The following WDR19 variants were observed in gnomAD, a reference collection of about 807,000 sequenced individuals.
The protein encoded by WDR19 is WD repeat domain 19.
Under a neutral mutation model 180.0 loss-of-function variants are expected in WDR19, and 121 were observed. The ratio of observed to expected loss-of-function variants is 0.67; its 90% confidence interval spans 0.58 to 0.78. The LOEUF is 0.78. Ranked by LOEUF, WDR19 falls within the 30% of genes least tolerant of loss-of-function variation. The probability of loss-of-function intolerance (pLI) is 0.00; values close to 1 mark genes in which losing one functional copy is unlikely to be tolerated. For synonymous variants in WDR19, 497 were observed against 540.7 expected (o/e 0.92, Z 1.12); for missense variants, 1,450 against 1,640.7 (o/e 0.88, Z 2.01).
Position 39,205,575 on chromosome 4 carries a change from C to T in WDR19, c.729C>T (p.Gly243=). 6.2e-7 allele frequency: 1 copy of T among 1,612,998 alleles called. No individual in the cohort carries two copies. Residue 243 remains glycine (G), a synonymous_variant, in exon 9 of 37, where the codon GGC becomes GGT. Coordinates refer to ENST00000399820, the MANE Select transcript of WDR19 (RefSeq NM_025132.4). ...NIVCYNWYGD[G]RIMIGFSCGH... ...TTCTTTGCTATAGGTATGGTGATGG[C>T]CGCATCATGATTGGTTTTTCATGTG...
At chr4:39,230,932 T>C (rs1730776145) in intron 17 of WDR19, among the ~76,000 whole-genome samples, 1 of 152,174 alleles carries the variant, frequency 6.6e-6, no homozygotes, top group Non-Finnish European at 1.5e-5. Flanking sequence ...ATGGCAAATA[T>C]TTCAAGCTTT....
chr4:39,243,366 A>G (rs1732171072), intron 21 of WDR19, among the ~76,000 whole-genome samples: 4 of 152,182 alleles, frequency 2.6e-5, no homozygotes, highest in Admixed American at 1.3e-4. Flanking sequence ...AAGCAAAAAA[A>G]TATATTTTAT....
intron 17 of WDR19, among the ~76,000 whole-genome samples, chr4:39,230,075 T>C (rs1233716292): frequency 6.6e-6 from 1 of 152,198 alleles, no homozygotes; most frequent in Non-Finnish European, 1.5e-5. Flanking sequence ...AAGATGTGAT[T>C]TGATCCTCTT....
intron 21 of WDR19, among the ~76,000 whole-genome samples, chr4:39,242,966 C>A (rs1330253002): frequency 6.6e-6 from 1 of 152,110 alleles, no homozygotes; most frequent in Non-Finnish European, 1.5e-5. Flanking sequence ...CCGCGCCCGG[C>A]CCATCTCTAC....
chr4:39,256,985 C>A (rs1360401697), intron 27 of WDR19, among the ~76,000 whole-genome samples: 3 of 152,120 alleles, frequency 2.0e-5, no homozygotes, highest in Non-Finnish European at 4.4e-5. Context: ...TTGTAAATTT[C>A]TTCCTAAGTG....
At chr4:39,222,997 A>C (rs1577919081) in intron 14 of WDR19, among the ~76,000 whole-genome samples, 2 of 151,958 alleles carry the variant, frequency 1.3e-5, no homozygotes, top group East Asian at 3.9e-4. Flanking sequence ...CTTTTTTTTC[A>C]CTCAGCAGAC....
At chr4:39,249,960 A>G (rs1294360229) in intron 24 of WDR19, among the ~76,000 whole-genome samples, 3 of 152,216 alleles carry the variant, frequency 2.0e-5, no homozygotes, top group Non-Finnish European at 4.4e-5. Flanking sequence ...ATTCCAATCA[A>G]TAGAAAAAGA....
At chr4:39,282,465 T>C (rs993307434) in intron 36 of WDR19, among the ~76,000 whole-genome samples, 2 of 152,204 alleles carry the variant, frequency 1.3e-5, no homozygotes, top group Non-Finnish European at 2.9e-5. Flanking sequence ...TGATGCAATC[T>C]CAGCTCGCTG....
intron 14 of WDR19, among the ~76,000 whole-genome samples, chr4:39,223,314 C>G (rs1729887161): frequency 6.6e-6 from 1 of 151,938 alleles, no homozygotes; most frequent in African/African-American, 2.4e-5. Context: ...GTACAGTCCT[C>G]TTTGTTTTTC....
intron 33 of WDR19, among the ~76,000 whole-genome samples, chr4:39,276,517 A>G (rs1432728961): frequency 6.6e-6 from 1 of 152,234 alleles, no homozygotes; most frequent in African/African-American, 2.4e-5. Flanking sequence ...TTAAAATGGA[A>G]TAAAAGTTAA....
chr4:39,276,430 C>G (rs970551580), intron 33 of WDR19, among the ~76,000 whole-genome samples: 3 of 152,140 alleles, frequency 2.0e-5, no homozygotes, highest in Non-Finnish European at 4.4e-5. Context: ...TAGTCATTCT[C>G]TCCCCATGCA....
At chr4:39,191,595 G>A (rs1360784689) in intron 4 of WDR19, among the ~76,000 whole-genome samples, 2 of 152,090 alleles carry the variant, frequency 1.3e-5, no homozygotes, top group Non-Finnish European at 2.9e-5. Flanking sequence ...CTCCTGCCTA[G>A]GCCTAACAGA....
At position 39,244,329 on chromosome 4, in the gene WDR19, C is replaced by T. The variant is rs376711429; in HGVS notation, c.2503C>T (p.Leu835Phe). ...CATACGTCGAGGGGTTAACCAAGCCCTCAAGCATCCCAGCAGGGTCCTTAA... is the reference window on the plus strand; with the variant it reads ...CATACGTCGAGGGGTTAACCAAGCCTTCAAGCATCCCAGCAGGGTCCTTAA... ...GDIRRGVNQA[L>F]KHPSRVLKRD... The change falls in exon 22 of 37, where the codon CTC (leucine) becomes TTC (phenylalanine). Residue 835 changes from leucine (L) to phenylalanine (F), a missense_variant. Leu to Phe is a conservative substitution (Grantham distance 22). Coordinates refer to ENST00000399820, the MANE Select transcript of WDR19 (RefSeq NM_025132.4). The T allele has an allele frequency of 3.7e-6, 6 of 1,613,824 alleles. No homozygotes were observed. The South Asian group carries it at 6.6e-5, about 18-fold the overall frequency.
intron 36 of WDR19, among the ~76,000 whole-genome samples, chr4:39,285,153 C>CAAAT (rs1737058312): frequency 6.6e-6 from 1 of 151,930 alleles, no homozygotes. Flanking sequence ...GGCGTTTAGA[C>CAAAT]AAATATAACT....
intron 19 of WDR19, among the ~76,000 whole-genome samples, chr4:39,232,782 C>T (rs1731010617): frequency 6.6e-6 from 1 of 151,952 alleles, no homozygotes; most frequent in Non-Finnish European, 1.5e-5. Context: ...TCAGCACAGA[C>T]ACTATATGCC....
intron 14 of WDR19, among the ~76,000 whole-genome samples, chr4:39,222,287 G>GT (rs1360510617): frequency 5.9e-5 from 9 of 152,230 alleles, no homozygotes; most frequent in African/African-American, 1.9e-4. Context: ...ATTTATGAGA[G>GT]TTCTTTATAT....
intron 2 of WDR19, among the ~76,000 whole-genome samples, chr4:39,186,117 A>G (rs1725513135): frequency 2.0e-5 from 3 of 152,300 alleles, no homozygotes; most frequent in Admixed American, 2.0e-4. Context: ...TTTTTATGCA[A>G]ATTCTGAAAC....
rs1277161504 is a variant in WDR19 at position 39,189,650 on chromosome 4, T to A, written c.165-6T>A. On this transcript the variant is annotated splice_region_variant and splice_polypyrimidine_tract_variant and intron_variant, in intron 3 of 36. Transcript: ENST00000399820. The stretch of plus-strand genomic sequence containing the variant: ...TATAGTGGTATTTTGCTCTCTTTTT[T>A]AAAAGTAACTGTGTTGCCATGGATT... The A allele has an allele frequency of 2.5e-6, 4 of 1,579,838 alleles. No individual in the cohort carries two copies. Among genetic ancestry groups the A allele is most frequent in the African/African-American group, 1.4e-5 (1 of 73,386 alleles).
At chr4:39,278,361 A>G in intron 35 of WDR19, 154 bp downstream of exon 35, 3 of 854,864 alleles carry the variant, frequency 3.5e-6, no homozygotes, top group Non-Finnish European at 5.4e-6. Context: ...GTGACCTTTG[A>G]GAATATTATC....
Sources: allele counts gnomAD v4.1 joint callset (sites outside exome capture counted in the v4.1 genomes callset), GRCh38; gene constraint gnomAD v4.1.1; transcripts MANE v1.5; gene names NCBI Gene and HGNC (gene_info 2026-07-23, HGNC 2026-07-21).